The following DNAI2 variants were observed in gnomAD, a reference collection of about 807,000 sequenced individuals.
DNAI2 encodes the protein dynein, axonemal, intermediate polypeptide 2.
In DNAI2, 63 loss-of-function variants were observed where a neutral mutation model predicts 74.7. The observed-to-expected ratio is 0.84, with a 90% CI of 0.69 to 1.04. The LOEUF (loss-of-function observed/expected upper bound fraction) is 1.04. DNAI2 is among the 50% of genes least tolerant of loss of function. The probability of loss-of-function intolerance (pLI) is 0.00; values close to 1 mark genes in which losing one functional copy is unlikely to be tolerated. For missense variants in DNAI2, 688 were observed against 803.2 expected (o/e 0.86, Z 1.73); for synonymous variants, 289 against 314.9 (o/e 0.92, Z 0.87).
At chr17:74,312,491 G>A (rs1264323680) in intron 12 of DNAI2, among the ~76,000 whole-genome samples, 2 of 152,270 alleles carry the variant, frequency 1.3e-5, no homozygotes, top group East Asian at 1.9e-4. Flanking sequence ...CCCAGAGAGG[G>A]CACATGGTGA....
intron 9 of DNAI2, 96 bp from the exon 10 acceptor site, chr17:74,309,157 A>T: frequency 2.9e-6 from 4 of 1,394,606 alleles, no homozygotes; most frequent in Non-Finnish European, 4.0e-6. Context: ...ACCTAGCAAG[A>T]CTCTGAGATC....
rs1274294156 is a variant in DNAI2, at chr17:74,289,623, C to G, written c.497C>G (p.Thr166Arg). 1 of 1,614,016 alleles carries G rather than the reference C, an allele frequency of 6.2e-7. No homozygotes were observed. The highest frequency in any genetic ancestry group is 2.2e-5 in the East Asian group (1 of 44,884). ...RDPQEIKRAATHLSWHPDGNR... is the reference protein window; with the variant it reads ...RDPQEIKRAARHLSWHPDGNR... ...CCCCAGGAAATCAAGAGGGCTGCCACACACCTCTCCTGGCACCCCGATGGC... is the reference window on the plus strand; with the variant it reads ...CCCCAGGAAATCAAGAGGGCTGCCAGACACCTCTCCTGGCACCCCGATGGC... Residue 166 changes from threonine (T) to arginine (R), a missense_variant, in exon 5 of 14, where the codon ACA becomes AGA. Coordinates refer to ENST00000311014, the MANE Select transcript of DNAI2 (RefSeq NM_023036.6).
chr17:74,282,086 C>A, intron 2 of DNAI2, 86 bp downstream of exon 2: 1 of 1,504,570 alleles, frequency 6.6e-7, no homozygotes, highest in Non-Finnish European at 9.2e-7. Flanking sequence ...TCTGTGGGTC[C>A]TTGTCCACCT....
At chr17:74,277,901 G>A (rs1484332758) in intron 1 of DNAI2, among the ~76,000 whole-genome samples, 1 of 152,226 alleles carries the variant, frequency 6.6e-6, no homozygotes, top group African/African-American at 2.4e-5. Context: ...CTCAAAGTTG[G>A]CTACACATGG....
Position 74,289,680 on chromosome 17 carries a change from T to G in DNAI2, c.554T>G (p.Leu185Trp), listed in dbSNP as rs1334667728. The change falls in exon 5 of 14, where the codon TTG becomes TGG. Residue 185 changes from leucine (L) to tryptophan (W), a missense_variant. Transcript: ENST00000311014. The part of the protein sequence containing the change: ...NRKLAVAYSC[L>W]DFQRAPVGMS... ...AAGTTGGCAGTGGCATACTCCTGCTTGGATTTTCAGCGGGCACCTGTGGGC... is the reference window on the plus strand; with the variant it reads ...AAGTTGGCAGTGGCATACTCCTGCTGGGATTTTCAGCGGGCACCTGTGGGC... The G allele has an allele frequency of 4.3e-6, 7 of 1,613,914 alleles. No homozygotes were observed. The highest frequency in any genetic ancestry group is 5.9e-6 in the Non-Finnish European group (7 of 1,180,000).
chr17:74,292,412 TTTC>T (rs2052165098), intron 6 of DNAI2, among the ~76,000 whole-genome samples: 1 of 107,212 alleles, frequency 9.3e-6, no homozygotes, highest in Non-Finnish European at 1.8e-5. Flanking sequence ...TCATTTTCTT[TTTC>T]TTTTTTTTTT....
rs189184618 is a variant in DNAI2, at chr17:74,289,333, C to T, written c.468-261C>T. The stretch of plus-strand genomic sequence containing the variant: ...TCTGAGGTCACGAGTTTGAGACCAG[C>T]CTAGGAAACATGGTAAAAACCTGTC... On this transcript the variant is annotated intron_variant, in intron 4 of 13. Transcript: ENST00000311014. Among the ~76,000 whole-genome samples, 39 of 152,268 alleles carry T rather than the reference C, an allele frequency of 2.6e-4. 1 individual carries two copies. In the East Asian group the frequency reaches 7.3e-3, roughly 29 times the overall value.
chr17:74,284,246 G>A (rs532296027), intron 2 of DNAI2, among the ~76,000 whole-genome samples: 1 of 150,494 alleles, frequency 6.6e-6, no homozygotes, highest in Admixed American at 6.6e-5. Flanking sequence ...GGAAAGAAGG[G>A]AAAGTGGCGA....
In DNAI2 at chr17:74,314,224, C is replaced by G. The variant is rs765895624; in HGVS notation, c.*8C>G. On this transcript the variant is annotated 3_prime_UTR_variant, in exon 13 of 14. Transcript: ENST00000311014. ...GAAGAAGACTTAGCCTAGAAGTCAG[C>G]CTTCGACTGCGGCGCTATCCCTGTG... is the stretch of plus-strand genomic sequence containing the variant. The G allele has an allele frequency of 6.2e-6, 10 of 1,614,004 alleles. No individual in the cohort carries two copies. The Admixed American group carries it at 1.3e-4, about 22-fold the overall frequency.
chr17:74,312,658 G>A (rs1288029098), intron 12 of DNAI2, among the ~76,000 whole-genome samples: 1 of 152,220 alleles, frequency 6.6e-6, no homozygotes, highest in Non-Finnish European at 1.5e-5. Flanking sequence ...GGCTTACCCA[G>A]GTTTGGTGTC....
rs1159223295 is a variant in DNAI2, at chr17:74,287,021, T to C, written c.390T>C (p.Tyr130=). The change falls in exon 4 of 14, where the codon TAT becomes TAC. Residue 130 remains tyrosine (Y), a synonymous_variant. Coordinates refer to ENST00000311014, the MANE Select transcript of DNAI2 (RefSeq NM_023036.6). The part of the protein sequence containing the change: ...CIKQNNAIDI[Y]EEYFNDEEAM... ...AGCAGAACAATGCCATTGACATCTA[T>C]GAAGAGTATTTCAATGACGAGGAGG... is the stretch of plus-strand genomic sequence containing the variant. 1 of 1,613,778 alleles carries C rather than the reference T, an allele frequency of 6.2e-7. No homozygotes were observed. The highest frequency in any genetic ancestry group is 1.1e-5 in the South Asian group (1 of 91,070).
In DNAI2 at chr17:74,284,720, A is replaced by C. The variant is rs937289037; in HGVS notation, c.184-320A>C. ...AGCCACTGCACCCGGCCAATTATTC[A>C]CCTTTTCTTTGGATTCTCACAGAGC... On this transcript the variant is annotated intron_variant, in intron 2 of 13. Transcript: ENST00000311014. Among the ~76,000 whole-genome samples the C allele has an allele frequency of 9.2e-5, 14 of 152,012 alleles. 1 individual carries two copies. In the South Asian group the frequency reaches 2.9e-3, roughly 31 times the overall value.
intron 1 of DNAI2, among the ~76,000 whole-genome samples, chr17:74,281,122 G>C (rs1054895575): frequency 7.4e-6 from 1 of 135,202 alleles, no homozygotes; most frequent in African/African-American, 2.9e-5. Flanking sequence ...AAAAACAAAA[G>C]ACGAAAACTG....
At chr17:74,285,246 T>C in intron 3 of DNAI2, 45 bp downstream of exon 3, 1 of 1,603,500 alleles carries the variant, frequency 6.2e-7, no homozygotes, top group Non-Finnish European at 8.5e-7. Flanking sequence ...CATCCATCAC[T>C]GCAGCTCCCC....
chr17:74,314,610 G>T lies in DNAI2; in HGVS notation c.*77G>T. On this transcript the variant is annotated 3_prime_UTR_variant, in exon 14 of 14. Coordinates refer to ENST00000311014, the MANE Select transcript of DNAI2 (RefSeq NM_023036.6). ...GCAGACCCTCAACCAGACTTGCATG[G>T]CCATGGCAGGGCCTCGGGAAGACCT... 3.8e-6 allele frequency: 1 copy of T among 265,268 alleles called. No individual in the cohort carries two copies. 16.4% of individuals were successfully genotyped at this position (265,268 alleles called of 1,614,324 possible).
chr17:74,302,792 G>A (rs1365526834), intron 8 of DNAI2, among the ~76,000 whole-genome samples: 1 of 152,096 alleles, frequency 6.6e-6, no homozygotes, highest in African/African-American at 2.4e-5. Flanking sequence ...TTTGCTTCGG[G>A]GTCATGGGCC....
chr17:74,285,738 A>G (rs1468359720), intron 3 of DNAI2, among the ~76,000 whole-genome samples: 1 of 152,190 alleles, frequency 6.6e-6, no homozygotes, highest in Non-Finnish European at 1.5e-5. Context: ...ACATAAAAAG[A>G]AAGAAATGCT....
chr17:74,314,384 C>A, intron 13 of DNAI2, 113 bp downstream of exon 13: 1 of 1,351,380 alleles, frequency 7.4e-7, no homozygotes, highest in Non-Finnish European at 1.0e-6. Flanking sequence ...CACTAGCCCC[C>A]ACTGACTCAC....
chr17:74,289,597 C>A lies in DNAI2; in HGVS notation c.471C>A (p.Asp157Glu). The A allele has an allele frequency of 3.1e-6, 5 of 1,613,910 alleles. No homozygotes were observed. The South Asian group carries it at 3.3e-5, about 11-fold the overall frequency. Residue 157 changes from aspartate to glutamate, a missense_variant, in exon 5 of 14, where the codon GAC (aspartate) becomes GAA (glutamate). Asp to Glu is a conservative substitution (Grantham distance 45). Transcript: ENST00000311014. The part of the protein sequence containing the change: ...PSAKTINVFR[D>E]PQEIKRAATH... ...CTCTCTTCCCTCTCCCCTGCAGGGA[C>A]CCCCAGGAAATCAAGAGGGCTGCCA...
Sources: allele counts gnomAD v4.1 joint callset (sites outside exome capture counted in the v4.1 genomes callset), GRCh38; gene constraint gnomAD v4.1.1; transcripts MANE v1.5; gene names NCBI Gene and HGNC (gene_info 2026-07-23, HGNC 2026-07-21).